COL11A1: variants seen among roughly 807,000 people sequenced by gnomAD.
COL11A1 encodes the protein collagen type XI alpha 1 chain.
In COL11A1, 74 loss-of-function variants were observed where a neutral mutation model predicts 265.2. The ratio of observed to expected loss-of-function variants is 0.28; its 90% CI spans 0.23 to 0.34. The LOEUF (loss-of-function observed/expected upper bound fraction) is 0.34, where lower values mean the gene tolerates loss of function less well. Ranked by LOEUF, COL11A1 falls within the 10% of genes least tolerant of loss-of-function variation. The probability of loss-of-function intolerance (pLI) is 1.00; values close to 1 mark genes in which losing one functional copy is unlikely to be tolerated. For missense variants in COL11A1, 2,165 were observed against 2,263.6 expected, an observed-to-expected ratio of 0.96 and a Z score of 0.88; for synonymous variants, 816 against 727.6, an observed-to-expected ratio of 1.12 and a Z score of -1.96.
At chr1:102,933,810 C>A (rs558755753) in intron 46 of COL11A1, among the ~76,000 whole-genome samples, 147 of 152,234 alleles carry the variant, frequency 9.7e-4, no homozygotes, top group African/African-American at 3.2e-3. Flanking sequence ...TTTTTTAAGC[C>A]GGTCGGAAAA....
intron 54 of COL11A1, among the ~76,000 whole-genome samples, chr1:102,909,768 T>C (rs1006961824): frequency 3.3e-5 from 5 of 152,084 alleles, no homozygotes; most frequent in Admixed American, 2.0e-4. Context: ...TGAATATGTA[T>C]TGAATTTTCT....
intron 1 of COL11A1, among the ~76,000 whole-genome samples, chr1:103,105,298 TA>T (rs1674606885): frequency 1.3e-5 from 2 of 152,052 alleles, no homozygotes; most frequent in Admixed American, 1.3e-4. Context: ...ATATGAAACA[TA>T]AAATTGAAGT....
intron 4 of COL11A1, among the ~76,000 whole-genome samples, chr1:103,070,793 T>A: frequency 6.6e-6 from 1 of 151,940 alleles, no homozygotes; most frequent in East Asian, 1.9e-4. Flanking sequence ...GGAAAGGTTA[T>A]CTCCATCTTA....
intron 4 of COL11A1, among the ~76,000 whole-genome samples, chr1:103,038,699 T>A (rs995972252): frequency 1.3e-5 from 2 of 152,084 alleles, no homozygotes; most frequent in South Asian, 2.1e-4. Flanking sequence ...TGTTGTATTT[T>A]AAAAAAATCA....
chr1:103,002,138 G>C (rs1221660061), intron 23 of COL11A1, among the ~76,000 whole-genome samples, 169 bp from the exon 24 acceptor site: 1 of 152,040 alleles, frequency 6.6e-6, no homozygotes, highest in African/African-American at 2.4e-5. Flanking sequence ...TACACAAGCT[G>C]CTCTTTTTTG....
intron 54 of COL11A1, among the ~76,000 whole-genome samples, chr1:102,905,070 G>C (rs1653757411): frequency 1.3e-5 from 2 of 151,722 alleles, no homozygotes; most frequent in Non-Finnish European, 2.9e-5. Context: ...CATGTCCTTT[G>C]TAGGGACATG....
chr1:103,096,081 G>A (rs1476176481), intron 1 of COL11A1, among the ~76,000 whole-genome samples: 4 of 151,798 alleles, frequency 2.6e-5, no homozygotes, highest in Non-Finnish European at 5.9e-5. Context: ...AGGATGACTT[G>A]AATCAACTTT....
intron 24 of COL11A1, among the ~76,000 whole-genome samples, chr1:103,000,495 C>T (rs754098223): frequency 1.3e-5 from 2 of 151,796 alleles, no homozygotes; most frequent in African/African-American, 2.4e-5. Flanking sequence ...GGCCAATAAG[C>T]ATGTGAAAAG....
intron 5 of COL11A1, among the ~76,000 whole-genome samples, chr1:103,028,933 C>T (rs1257737792): frequency 6.6e-6 from 1 of 151,596 alleles, no homozygotes; most frequent in East Asian, 1.9e-4. Flanking sequence ...TAAGAAAATC[C>T]CAACTCCATC....
chr1:102,922,321 G>A (rs1005943648), intron 47 of COL11A1, among the ~76,000 whole-genome samples: 4 of 152,136 alleles, frequency 2.6e-5, no homozygotes, highest in Non-Finnish European at 4.4e-5. Context: ...TTCATGGAAC[G>A]ATGGTAACCA....
rs780871745 is a variant in COL11A1 at position 103,003,182 on chromosome 1, T to C, written c.1998+33A>G. 5.0e-6 allele frequency: 8 copies of C among 1,611,234 alleles called. No homozygotes were observed. In the East Asian group the frequency reaches 1.3e-4, roughly 27 times the overall value. ...TAAAAGGTTGGCAACAAGCTTTCCCTAGAAAATCTTCAATGTTTCCAGCAA... is the reference window on the plus strand; with the variant it reads ...TAAAAGGTTGGCAACAAGCTTTCCCCAGAAAATCTTCAATGTTTCCAGCAA... On this transcript the variant is annotated intron_variant, in intron 21 of 66. Coordinates refer to ENST00000370096, the MANE Select transcript of COL11A1 (RefSeq NM_001854.4).
chr1:103,067,748 A>T (rs1671264832), intron 4 of COL11A1, among the ~76,000 whole-genome samples: 1 of 151,782 alleles, frequency 6.6e-6, no homozygotes, highest in Admixed American at 6.6e-5. Context: ...TATTAATATA[A>T]AGAATAAAAA....
intron 4 of COL11A1, among the ~76,000 whole-genome samples, chr1:103,032,607 G>T (rs1018007301): frequency 6.6e-6 from 1 of 152,022 alleles, no homozygotes; most frequent in Admixed American, 6.6e-5. Flanking sequence ...AATTAGAATT[G>T]AGTATAAGTT....
intron 31 of COL11A1, among the ~76,000 whole-genome samples, chr1:102,981,060 G>T (rs960780664): frequency 6.6e-6 from 1 of 152,098 alleles, no homozygotes; most frequent in African/African-American, 2.4e-5. Flanking sequence ...ATTAAAGCAG[G>T]TCAATAAAAT....
At chr1:102,918,304 T>C (rs1655585423) in intron 49 of COL11A1, among the ~76,000 whole-genome samples, 1 of 151,934 alleles carries the variant, frequency 6.6e-6, no homozygotes, top group East Asian at 1.9e-4. Context: ...TGTATAAATC[T>C]TAAGAAAATA....
intron 31 of COL11A1, among the ~76,000 whole-genome samples, chr1:102,981,746 C>T (rs574243324): frequency 6.6e-6 from 1 of 152,000 alleles, no homozygotes; most frequent in African/African-American, 2.4e-5. Flanking sequence ...AAATGTGAAA[C>T]TAAAAATGTG....
chr1:102,974,019 C>T (rs1009039932), intron 36 of COL11A1, among the ~76,000 whole-genome samples: 8 of 152,050 alleles, frequency 5.3e-5, no homozygotes, highest in Non-Finnish European at 7.4e-5. Context: ...TAGACTTGGC[C>T]CCTGCCCCTC....
At position 102,956,067 on chromosome 1, in the gene COL11A1, G is replaced by C. The variant is rs543324724; in HGVS notation, c.3168+5799C>G. Among the ~76,000 whole-genome samples, 69 of 152,250 alleles carry C rather than the reference G, an allele frequency of 4.5e-4. 1 individual carries two copies. The highest frequency in any genetic ancestry group is 1.6e-3 in the African/African-American group (68 of 41,548). ...GTCATAAGTGGTAGCACGACAGAAC[G>C]TTCCTCAGTATACAATAACTCCCAG... On this transcript the variant is annotated intron_variant, in intron 41 of 66. Coordinates refer to ENST00000370096, the MANE Select transcript of COL11A1 (RefSeq NM_001854.4).
Position 103,090,046 on chromosome 1 carries a change from C to T in COL11A1, c.107-7074G>A, listed in dbSNP as rs541564792. ...GGCTGAGGCAGGAGAATCTCTTGAA[C>T]CTTGGAGGCAGAGGTTGCAGCGAGC... is the stretch of plus-strand genomic sequence containing the variant. On this transcript the variant is annotated intron_variant, in intron 1 of 66. Coordinates refer to ENST00000370096, the MANE Select transcript of COL11A1 (RefSeq NM_001854.4). Among the ~76,000 whole-genome samples, 892 of 152,160 alleles carry T rather than the reference C, an allele frequency of 5.9e-3. 7 individuals are homozygous for T. The highest frequency in any genetic ancestry group is 8.6e-3 in the Non-Finnish European group (588 of 68,002).
Sources: gnomAD v4.1 joint callset for allele counts (sites outside exome capture counted in the v4.1 genomes callset) on GRCh38, gnomAD v4.1.1 for gene constraint, MANE v1.5 for transcripts, NCBI Gene and HGNC (gene_info 2026-07-23, HGNC 2026-07-21) for gene names.